Variants in SNX29 observed in about 807,000 individuals in gnomAD.
SNX29 encodes the protein sorting nexin-29.
A neutral mutation model predicts 102.1 loss-of-function variants in SNX29; 78 were observed. That is an observed-to-expected ratio of 0.76 (90% CI 0.64 to 0.92). SNX29 has a LOEUF of 0.92. Among genes scored for constraint, SNX29 ranks in the 40% least tolerant of loss-of-function variants. SNX29 has a pLI of 0.00. For missense variants in SNX29, 1,280 were observed against 1,061.7 expected (o/e 1.21, Z -2.86); for synonymous variants, 580 against 414.5 (o/e 1.40, Z -4.85).
intron 11 of SNX29, among the ~76,000 whole-genome samples, chr16:12,091,025 AAAAAAAAAAAAAAG>A (rs1348889226): frequency 6.0e-5 from 8 of 133,942 alleles, no homozygotes; most frequent in South Asian, 2.4e-4. Context: ...AAAAAAAAAA[AAAAAAAAAAAAAAG>A]AAAGAAAAAG....
intron 20 of SNX29, among the ~76,000 whole-genome samples, chr16:12,565,841 C>T (rs1013330312): frequency 1.4e-4 from 22 of 152,336 alleles, no homozygotes; most frequent in African/African-American, 4.6e-4. Flanking sequence ...CACACCTCTG[C>T]CTCCTCCGGG....
At chr16:12,451,064 C>T (rs889414656) in intron 18 of SNX29, among the ~76,000 whole-genome samples, 1 of 152,116 alleles carries the variant, frequency 6.6e-6, no homozygotes, top group Non-Finnish European at 1.5e-5. Flanking sequence ...GGAGAAAGTA[C>T]GTCTCCTGCC....
intron 14 of SNX29, among the ~76,000 whole-genome samples, chr16:12,259,178 C>T (rs1172029955): frequency 6.6e-6 from 1 of 152,126 alleles, no homozygotes; most frequent in Admixed American, 6.5e-5. Flanking sequence ...TTGAAATAGC[C>T]TCTGGTTTGT....
chr16:12,469,258 A>G (rs1354862529), intron 18 of SNX29, among the ~76,000 whole-genome samples: 4 of 152,224 alleles, frequency 2.6e-5, no homozygotes, highest in African/African-American at 9.6e-5. Flanking sequence ...TATTCTTGGC[A>G]TTTGGCTGCA....
At chr16:12,462,026 C>T (rs1313036112) in intron 18 of SNX29, among the ~76,000 whole-genome samples, 32 of 123,256 alleles carry the variant, frequency 2.6e-4, no homozygotes, top group African/African-American at 7.2e-4. Flanking sequence ...TACACACACA[C>T]ACACACACAC....
chr16:12,139,984 A>G (rs1284581166), intron 13 of SNX29, among the ~76,000 whole-genome samples: 11 of 150,346 alleles, frequency 7.3e-5, no homozygotes, highest in African/African-American at 1.9e-4. Context: ...CTGTCTCAAA[A>G]AAAAAAAAAA....
intron 13 of SNX29, among the ~76,000 whole-genome samples, chr16:12,156,730 G>T (rs1408212766): frequency 6.6e-6 from 1 of 152,232 alleles, no homozygotes; most frequent in Non-Finnish European, 1.5e-5. Flanking sequence ...CTGTCCAGCC[G>T]ACTTGGCCAA....
chr16:12,547,431 G>A (rs896747628), intron 20 of SNX29, among the ~76,000 whole-genome samples: 1 of 152,170 alleles, frequency 6.6e-6, no homozygotes, highest in Non-Finnish European at 1.5e-5. Flanking sequence ...GGGCACCCCG[G>A]GGAGAGGGGA....
At chr16:12,407,301 G>C (rs1303522838) in intron 18 of SNX29, among the ~76,000 whole-genome samples, 1 of 151,704 alleles carries the variant, frequency 6.6e-6, no homozygotes, top group African/African-American at 2.4e-5. Context: ...GCCTTTGGCA[G>C]GTGACAAGCT....
intron 15 of SNX29, among the ~76,000 whole-genome samples, chr16:12,352,774 T>G (rs1597038326): frequency 6.6e-6 from 1 of 152,218 alleles, no homozygotes; most frequent in Admixed American, 6.5e-5. Context: ...TTTGTGGCTG[T>G]GTCAGCCCTG....
intron 19 of SNX29, among the ~76,000 whole-genome samples, chr16:12,513,736 C>T (rs774101821): frequency 1.6e-4 from 25 of 152,266 alleles, no homozygotes; most frequent in Admixed American, 2.6e-4. Flanking sequence ...TATTATTTTC[C>T]CCAAATTAAT....
At chr16:12,089,869 C>G (rs1377192853) in intron 11 of SNX29, 1 of 394,954 alleles carries the variant, frequency 2.5e-6, no homozygotes, top group East Asian at 9.3e-5. Flanking sequence ...TCCGCCCTCC[C>G]TTGTACAGGC....
At chr16:12,433,423 G>A (rs1471911987) in intron 18 of SNX29, among the ~76,000 whole-genome samples, 2 of 152,040 alleles carry the variant, frequency 1.3e-5, no homozygotes, top group African/African-American at 4.8e-5. Context: ...CTGAGGTCAG[G>A]AGTTTGAGAC....
intron 11 of SNX29, among the ~76,000 whole-genome samples, chr16:12,108,961 C>G (rs957063626): frequency 2.6e-5 from 4 of 151,654 alleles, no homozygotes; most frequent in East Asian, 1.9e-4. Flanking sequence ...AATCCCGTCT[C>G]TACTAAAAAT....
chr16:12,019,635 TA>T (rs955343260), intron 3 of SNX29, among the ~76,000 whole-genome samples: 3 of 148,716 alleles, frequency 2.0e-5, no homozygotes, highest in African/African-American at 7.4e-5. Context: ...TATAGATATA[TA>T]ATTTTTTTTT....
chr16:12,144,308 C>G (rs1597033560), intron 13 of SNX29, among the ~76,000 whole-genome samples: 1 of 152,352 alleles, frequency 6.6e-6, no homozygotes, highest in South Asian at 2.1e-4. Context: ...ATTAGCACTA[C>G]TAACATTTGT....
At chr16:12,232,857 C>T (rs370309246) in intron 14 of SNX29, among the ~76,000 whole-genome samples, 2 of 152,362 alleles carry the variant, frequency 1.3e-5, no homozygotes, top group East Asian at 3.9e-4. Flanking sequence ...TCTGTACTCA[C>T]TATCAGCCTC....
At chr16:12,017,013 T>C (rs1447417843) in intron 3 of SNX29, among the ~76,000 whole-genome samples, 1 of 151,870 alleles carries the variant, frequency 6.6e-6, no homozygotes, top group Non-Finnish European at 1.5e-5. Context: ...GCCTGTGGTC[T>C]CAGCTACTTG....
chr16:12,179,281 C>T (rs745664291), intron 13 of SNX29, among the ~76,000 whole-genome samples: 4 of 152,152 alleles, frequency 2.6e-5, no homozygotes, highest in East Asian at 3.9e-4. Context: ...TTCAGGAGTT[C>T]GAGATCAGAC....
Sources: allele counts gnomAD v4.1 joint callset (sites outside exome capture counted in the v4.1 genomes callset), GRCh38; gene constraint gnomAD v4.1.1; transcripts MANE v1.5; gene names NCBI Gene and HGNC (gene_info 2026-07-23, HGNC 2026-07-21).